Variants in FBXL2 observed in about 807,000 individuals in gnomAD.
FBXL2 encodes F-box/LRR-repeat protein 2.
A neutral mutation model predicts 69.2 loss-of-function variants in FBXL2; 38 were observed. That is an observed-to-expected ratio of 0.55 (90% CI 0.42 to 0.72). FBXL2 has a LOEUF of 0.72. Among genes scored for constraint, FBXL2 ranks in the 30% least tolerant of loss-of-function variants. The pLI, the probability that FBXL2 is intolerant of heterozygous loss-of-function variation, is 0.00. For synonymous variants in FBXL2, 192 were observed against 201.3 expected, an observed-to-expected ratio of 0.95 and a Z score of 0.39; for missense variants, 354 against 520.3, an observed-to-expected ratio of 0.68 and a Z score of 3.11.
chr3:33,277,666 T>G, intron 1 of FBXL2, 151 bp downstream of exon 1: 3 of 833,832 alleles, frequency 3.6e-6, no homozygotes, highest in Non-Finnish European at 4.8e-6. Flanking sequence ...AGGGCAGGGC[T>G]GGGCGGGCCC....
the FBXL2 span, among the ~76,000 whole-genome samples, chr3:33,412,386 T>C: frequency 6.6e-6 from 1 of 151,826 alleles, no homozygotes; most frequent in Non-Finnish European, 1.5e-5. Context: ...TATATATGTA[T>C]GTGTGTGCGT....
chr3:33,340,948 T>A (rs2039976167), intron 2 of FBXL2, among the ~76,000 whole-genome samples: 1 of 151,464 alleles, frequency 6.6e-6, no homozygotes, highest in Admixed American at 6.6e-5. Flanking sequence ...TTGCCTATCT[T>A]ATGCAAACTG....
chr3:33,421,891 A>G, the FBXL2 span, among the ~76,000 whole-genome samples: 2 of 152,108 alleles, frequency 1.3e-5, no homozygotes. Context: ...TAAGAATACA[A>G]AAATTAGCCA....
the FBXL2 span, among the ~76,000 whole-genome samples, chr3:33,420,488 CT>C: frequency 2.4e-3 from 288 of 120,610 alleles, 1 homozygote; most frequent in South Asian, 0.017. Context: ...ACCATACTGG[CT>C]TTTTTTTTTT....
chr3:33,359,002 G>T lies in FBXL2; in HGVS notation c.101G>T (p.Arg34Leu). ...FSFLDIVTLC[R>L]CAQISKAWNI... is the part of the protein sequence containing the mutation. ...TTCTTGGATATAGTAACTTTGTGCCGATGTGCACAGATTTCCAAGGTAGAG... is the reference window on the plus strand; with the variant it reads ...TTCTTGGATATAGTAACTTTGTGCCTATGTGCACAGATTTCCAAGGTAGAG... The change falls in exon 3 of 15, where the codon CGA becomes CTA. Residue 34 changes from arginine (R) to leucine (L), a missense_variant. Physicochemically the swap from Arg to Leu is moderately radical, Grantham distance 102. Coordinates refer to ENST00000484457, the MANE Select transcript of FBXL2 (RefSeq NM_012157.5). 6.4e-7 allele frequency: 1 copy of T among 1,550,676 alleles called. No individual in the cohort carries two copies. Among genetic ancestry groups the T allele is most frequent in the Non-Finnish European group, 8.7e-7 (1 of 1,143,776 alleles).
chr3:33,373,562 T>G lies in FBXL2; in HGVS notation c.456-16T>G, dbSNP rs201907309. On this transcript the variant is annotated splice_polypyrimidine_tract_variant and intron_variant, in intron 7 of 14. Coordinates refer to ENST00000484457, the MANE Select transcript of FBXL2 (RefSeq NM_012157.5). ...AGGAGAGACTGCACATAAGTTTTTG[T>G]TTCTTGTTCTCTCAGTGAGGGCTGC... is the stretch of plus-strand genomic sequence containing the variant. The G allele has an allele frequency of 1.9e-6, 3 of 1,614,158 alleles. No individual in the cohort carries two copies. In the South Asian group the frequency reaches 3.3e-5, roughly 18 times the overall value.
intron 5 of FBXL2, among the ~76,000 whole-genome samples, chr3:33,366,839 C>T (rs2041982034): frequency 6.6e-6 from 1 of 152,060 alleles, no homozygotes; most frequent in Admixed American, 6.6e-5. Context: ...TGGCAGGTGC[C>T]TGTAGTCCCA....
intron 2 of FBXL2, among the ~76,000 whole-genome samples, chr3:33,334,916 A>T (rs1172401004): frequency 6.6e-6 from 1 of 151,956 alleles, no homozygotes; most frequent in South Asian, 2.1e-4. Context: ...CCCCATCTGT[A>T]CCAAAAATAC....
At chr3:33,395,750 G>GAAAAAAAAAAAA (rs61654235) in intron 12 of FBXL2, among the ~76,000 whole-genome samples, 24 of 69,762 alleles carry the variant, frequency 3.4e-4, no homozygotes, top group South Asian at 5.3e-4. Flanking sequence ...CAGGAAAATT[G>GAAAAAAAAAAAA]AAAAAAAAAA....
the FBXL2 span, chr3:33,409,153 C>A: frequency 7.4e-7 from 1 of 1,348,120 alleles, no homozygotes; most frequent in South Asian, 1.3e-5. Context: ...TTCCCCAACC[C>A]TTTTGTAGCA....
intron 2 of FBXL2, among the ~76,000 whole-genome samples, chr3:33,352,172 CATAA>C (rs879550558): frequency 4.6e-5 from 7 of 152,016 alleles, no homozygotes; most frequent in African/African-American, 9.7e-5. Flanking sequence ...AGTAGAGCCA[CATAA>C]ATAGTCAACT....
rs577940052 is a variant in FBXL2, at chr3:33,326,638, T to C, written c.65+28913T>C. Reference sequence around the variant, plus strand: ...TGCTTAAAGAACACATCAATATCTTTGATGTTCTGGTAAAATAATGGTTTT... The same window carrying C: ...TGCTTAAAGAACACATCAATATCTTCGATGTTCTGGTAAAATAATGGTTTT... On this transcript the variant is annotated intron_variant, in intron 2 of 14. Coordinates refer to ENST00000484457, the MANE Select transcript of FBXL2 (RefSeq NM_012157.5). Among the ~76,000 whole-genome samples, 14 of 152,348 alleles carry C rather than the reference T, an allele frequency of 9.2e-5. No individual in the cohort carries two copies. The East Asian group carries it at 2.5e-3, about 27-fold the overall frequency.
At chr3:33,344,181 A>C (rs2040273520) in intron 2 of FBXL2, among the ~76,000 whole-genome samples, 6 of 152,074 alleles carry the variant, frequency 3.9e-5, no homozygotes, top group Non-Finnish European at 2.9e-5. Context: ...TTATGGAGAA[A>C]ATTAAAATTT....
At chr3:33,354,762 A>G (rs2041080623) in intron 2 of FBXL2, among the ~76,000 whole-genome samples, 1 of 152,218 alleles carries the variant, frequency 6.6e-6, no homozygotes, top group African/African-American at 2.4e-5. Context: ...TAGCCACTGT[A>G]ATAAGCAAAA....
the FBXL2 span, among the ~76,000 whole-genome samples, chr3:33,410,348 T>A: frequency 6.6e-6 from 1 of 152,220 alleles, no homozygotes; most frequent in East Asian, 1.9e-4. Context: ...CTCTGCAATA[T>A]GACAACACAA....
chr3:33,381,495 T>G (rs1346146064), intron 13 of FBXL2, among the ~76,000 whole-genome samples: 1 of 151,972 alleles, frequency 6.6e-6, no homozygotes, highest in Non-Finnish European at 1.5e-5. Context: ...AAATACAAAA[T>G]TAGCCAGGCG....
At chr3:33,411,792 A>T in the FBXL2 span, 1 of 892,676 alleles carries the variant, frequency 1.1e-6, no homozygotes. Flanking sequence ...ACTGCTTTGA[A>T]CTCTGTCTTT....
Position 33,277,456 on chromosome 3 carries a change from G to GGGCGTCGCC in FBXL2, c.-52_-44dup. The GGGCGTCGCC allele has an allele frequency of 1.6e-6, 2 of 1,263,208 alleles. No homozygotes were observed. Among genetic ancestry groups the GGGCGTCGCC allele is most frequent in the Non-Finnish European group, 2.0e-6 (2 of 997,652 alleles). The allele number at this position is 1,263,208 out of a possible 1,614,324, so 78.2% of individuals were successfully genotyped here. A position where few individuals can be genotyped will look rare whatever the true frequency, so the allele number is the denominator to read the frequency against. On this transcript the variant is annotated 5_prime_UTR_variant, in exon 1 of 15. Transcript: ENST00000484457. ...GCCTGGCTGGCGTCACCAGGACAACGGGCGTCGCCGGCGCCGTGTGACTTC... is the reference window on the plus strand; with the variant it reads ...GCCTGGCTGGCGTCACCAGGACAACGGGCGTCGCCGGCGTCGCCGGCGCCGTGTGACTTC...
Position 33,314,123 on chromosome 3 carries a change from T to C in FBXL2, c.65+16398T>C, listed in dbSNP as rs759574051. ...TTAATTTTTTTTTGCTTTTTACTTATTGTGAAATATTTAATTGATAAATAA... is the reference window on the plus strand; with the variant it reads ...TTAATTTTTTTTTGCTTTTTACTTACTGTGAAATATTTAATTGATAAATAA... On this transcript the variant is annotated intron_variant, in intron 2 of 14. Transcript: ENST00000484457. 3.3e-5 allele frequency among the ~76,000 whole-genome samples: 5 copies of C among 152,232 alleles called. No homozygotes were observed. The East Asian group carries it at 7.7e-4, about 23-fold the overall frequency.
Sources: allele counts gnomAD v4.1 joint callset (sites outside exome capture counted in the v4.1 genomes callset), GRCh38; gene constraint gnomAD v4.1.1; transcripts MANE v1.5; gene names NCBI Gene and HGNC (gene_info 2026-07-23, HGNC 2026-07-21).